The following ZNF248 variants were observed in gnomAD, a reference collection of about 807,000 sequenced individuals.
ZNF248 encodes the protein zinc finger protein 248, also known as KRAB protein domain.
ZNF248 carries 20 observed loss-of-function variants against 44.3 expected under a neutral mutation model. The ratio of observed to expected loss-of-function variants is 0.45; its 90% CI spans 0.32 to 0.66. The LOEUF is 0.66. Ranked by LOEUF, ZNF248 falls within the 30% of genes least tolerant of loss-of-function variation. The probability of loss-of-function intolerance (pLI) is 0.04; values close to 1 mark genes in which losing one functional copy is unlikely to be tolerated. For missense variants in ZNF248, 654 were observed against 677.0 expected (o/e 0.97, Z 0.38); for synonymous variants, 224 against 229.0 (o/e 0.98, Z 0.20).
At chr10:37,853,268 A>G (rs2060642360) in intron 3 of ZNF248, among the ~76,000 whole-genome samples, 1 of 152,260 alleles carries the variant, frequency 6.6e-6, no homozygotes, top group Admixed American at 6.5e-5. Flanking sequence ...GCTGAAAACC[A>G]AAAGAAAAGA....
At chr10:37,776,740 A>C (rs894526146) in intron 6 of ZNF248, among the ~76,000 whole-genome samples, 3 of 152,174 alleles carry the variant, frequency 2.0e-5, no homozygotes, top group Non-Finnish European at 4.4e-5. Flanking sequence ...CAAGATGCTA[A>C]GAAACCCCAG....
intron 6 of ZNF248, among the ~76,000 whole-genome samples, chr10:37,799,885 A>T (rs1196326426): frequency 3.3e-5 from 5 of 152,100 alleles, no homozygotes; most frequent in Admixed American, 3.3e-4. Context: ...GATTGATTCA[A>T]GACTTAAATA....
intron 6 of ZNF248, among the ~76,000 whole-genome samples, chr10:37,790,381 A>C (rs1458142023): frequency 2.6e-5 from 4 of 151,266 alleles, no homozygotes; most frequent in Non-Finnish European, 1.5e-5. Context: ...GGAGTTCAAG[A>C]CCAGCCTGTG....
chr10:37,851,750 T>A (rs1318190346), intron 3 of ZNF248, among the ~76,000 whole-genome samples: 1 of 44,890 alleles, frequency 2.2e-5, no homozygotes, highest in South Asian at 6.9e-4. Context: ...AAAATCACTA[T>A]ATACCCATCA....
chr10:37,843,431 A>G (rs1460643972), intron 3 of ZNF248, among the ~76,000 whole-genome samples: 4 of 151,580 alleles, frequency 2.6e-5, no homozygotes, highest in African/African-American at 7.3e-5. Context: ...CTCAAAAAAA[A>G]AAAAAAAAGA....
chr10:37,787,507 GTTTATTTA>G (rs66872559), intron 6 of ZNF248, among the ~76,000 whole-genome samples: 26 of 150,462 alleles, frequency 1.7e-4, no homozygotes, highest in African/African-American at 5.1e-4. Context: ...TCGGTTTTTG[GTTTATTTA>G]TTTATTTATT....
chr10:37,788,466 C>T (rs1489712107), intron 6 of ZNF248, among the ~76,000 whole-genome samples: 4 of 151,438 alleles, frequency 2.6e-5, no homozygotes, highest in African/African-American at 9.7e-5. Context: ...ACCAAGAATA[C>T]AAAAATTACC....
chr10:37,773,201 C>T (rs1351619567), downstream of ZNF248, among the ~76,000 whole-genome samples: 2 of 152,140 alleles, frequency 1.3e-5, no homozygotes, highest in Admixed American at 6.5e-5. Flanking sequence ...GCTGGGATCA[C>T]ACCACAGCAC....
At chr10:37,813,874 T>C (rs1271977508) in intron 6 of ZNF248, among the ~76,000 whole-genome samples, 2 of 152,224 alleles carry the variant, frequency 1.3e-5, no homozygotes, top group African/African-American at 4.8e-5. Flanking sequence ...ATATCTCTTT[T>C]CATTCTTTCA....
intron 3 of ZNF248, among the ~76,000 whole-genome samples, chr10:37,853,439 G>A (rs908490820): frequency 1.3e-5 from 2 of 152,048 alleles, no homozygotes; most frequent in African/African-American, 2.4e-5. Context: ...ATGTGGTGGC[G>A]CAATCTCCGC....
At chr10:37,777,797 G>C (rs1459620384) in intron 6 of ZNF248, among the ~76,000 whole-genome samples, 1 of 149,770 alleles carries the variant, frequency 6.7e-6, no homozygotes, top group Non-Finnish European at 1.5e-5. Context: ...TTGGTTTTTT[G>C]TTCTTGCGAT....
downstream of ZNF248, among the ~76,000 whole-genome samples, chr10:37,774,929 C>A (rs1259721361): frequency 6.6e-6 from 1 of 152,042 alleles, no homozygotes; most frequent in Non-Finnish European, 1.5e-5. Context: ...CGCCACCACA[C>A]CTGACTAATT....
the ZNF248 span, among the ~76,000 whole-genome samples, chr10:37,766,912 C>T: frequency 3.3e-5 from 5 of 152,002 alleles, no homozygotes; most frequent in African/African-American, 9.7e-5. Flanking sequence ...GAATAACCAA[C>T]ACAGAGAAGT....
rs577502974 is a variant in ZNF248, at chr10:37,797,721, T to A, written c.331-21146A>T. Among the ~76,000 whole-genome samples the A allele has an allele frequency of 5.3e-5, 8 of 152,186 alleles. No homozygotes were observed. In the South Asian group the frequency reaches 1.5e-3, roughly 28 times the overall value. ...ATGTAAAGATGTTCAACAGCTTTAG[T>A]CATTAGGGAAAATCAACTCAAAATC... On this transcript the variant is annotated intron_variant, in intron 6 of 6. Transcript: ENST00000615949.
downstream of ZNF248, among the ~76,000 whole-genome samples, chr10:37,774,284 C>T (rs776001218): frequency 3.9e-5 from 6 of 152,056 alleles, no homozygotes; most frequent in South Asian, 6.2e-4. Flanking sequence ...TATTTGTTAC[C>T]GCAGTCACAG....
chr10:37,771,232 G>A, the ZNF248 span, among the ~76,000 whole-genome samples: 6 of 152,182 alleles, frequency 3.9e-5, no homozygotes, highest in Non-Finnish European at 5.9e-5. Context: ...CAGGGATCTA[G>A]AACTAGAAAT....
rs142382876 is a variant in ZNF248, at chr10:37,787,799, G to C, written c.331-11224C>G. Among the ~76,000 whole-genome samples, 577 of 152,236 alleles carry C rather than the reference G, an allele frequency of 3.8e-3. 1 individual carries two copies. Among genetic ancestry groups the C allele is most frequent in the Non-Finnish European group, 6.7e-3 (458 of 68,002 alleles). ...TCTTTGTGACCACTGGTTAGACAAA[G>C]AGTTCTTAGACAACAAAGCACAATT... On this transcript the variant is annotated intron_variant, in intron 6 of 6. Coordinates refer to the ZNF248 transcript ENST00000615949.
the ZNF248 span, among the ~76,000 whole-genome samples, chr10:37,766,637 T>C: frequency 2.0e-5 from 3 of 151,986 alleles, no homozygotes; most frequent in African/African-American, 4.8e-5. Flanking sequence ...GTCACCATCA[T>C]CAAAGACCAA....
intron 6 of ZNF248, among the ~76,000 whole-genome samples, chr10:37,822,249 T>G (rs757418135): frequency 1.3e-5 from 2 of 152,114 alleles, no homozygotes; most frequent in Admixed American, 6.5e-5. Context: ...CTTGTCTACA[T>G]AGAAAGCTAC....
Sources: allele counts gnomAD v4.1 joint callset (sites outside exome capture counted in the v4.1 genomes callset), GRCh38; gene constraint gnomAD v4.1.1; transcripts MANE v1.5; gene names NCBI Gene and HGNC (gene_info 2026-07-23, HGNC 2026-07-21).